The following CCDC171 variants were observed in gnomAD, a reference collection of about 807,000 sequenced individuals.
CCDC171 encodes coiled-coil domain-containing protein 171.
In CCDC171, 177 loss-of-function variants were observed where a neutral mutation model predicts 168.2. That is an observed-to-expected ratio of 1.05 (90% confidence interval 0.93 to 1.19). The LOEUF (loss-of-function observed/expected upper bound fraction) is 1.19, where lower values mean the gene tolerates loss of function less well. Among genes scored for constraint, CCDC171 ranks in the 50% most tolerant of loss-of-function variants. The pLI, the probability that CCDC171 is intolerant of heterozygous loss-of-function variation, is 0.00. For synonymous variants in CCDC171, 687 were observed against 540.8 expected (o/e 1.27, Z -3.75); for missense variants, 1,991 against 1,539.0 (o/e 1.29, Z -4.91).
At chr9:15,798,965 A>G (rs1030432962) in intron 21 of CCDC171, among the ~76,000 whole-genome samples, 3 of 151,620 alleles carry the variant, frequency 2.0e-5, no homozygotes, top group Non-Finnish European at 2.9e-5. Flanking sequence ...AAATCTTACA[A>G]CAGTATACTT....
At chr9:16,039,369 T>A (rs1242743162), upstream of CCDC171, among the ~76,000 whole-genome samples, 2 of 152,220 alleles carry the variant, frequency 1.3e-5, no homozygotes, top group Non-Finnish European at 2.9e-5. Flanking sequence ...TTTTTTTCCT[T>A]CTGCGTTTTA....
At chr9:15,992,781 G>A (rs937976154) in intron 3 of CCDC171, among the ~76,000 whole-genome samples, 1 of 152,170 alleles carries the variant, frequency 6.6e-6, no homozygotes, top group Admixed American at 6.5e-5. Context: ...AAAATCACAA[G>A]CATTCTTATA....
chr9:16,095,162 C>T, the CCDC171 span, among the ~76,000 whole-genome samples: 1 of 152,118 alleles, frequency 6.6e-6, no homozygotes, highest in Non-Finnish European at 1.5e-5. Context: ...TTCTTTATAG[C>T]AGTGTGAGAA....
intron 4 of CCDC171, among the ~76,000 whole-genome samples, chr9:15,583,890 T>C (rs987532321): frequency 6.6e-6 from 1 of 152,172 alleles, no homozygotes; most frequent in African/African-American, 2.4e-5. Context: ...TTTTTTGAGA[T>C]GGAGTCTCCC....
At chr9:15,703,840 A>G (rs1418015887) in intron 11 of CCDC171, among the ~76,000 whole-genome samples, 1 of 152,250 alleles carries the variant, frequency 6.6e-6, no homozygotes, top group Non-Finnish European at 1.5e-5. Flanking sequence ...ACTAGAGCAT[A>G]CAACATTTAT....
chr9:15,707,762 A>G (rs1442527962), intron 11 of CCDC171, among the ~76,000 whole-genome samples: 1 of 152,222 alleles, frequency 6.6e-6, no homozygotes, highest in African/African-American at 2.4e-5. Flanking sequence ...TCATCTTGTT[A>G]TCCTTATTTC....
intron 3 of CCDC171, among the ~76,000 whole-genome samples, chr9:15,988,964 AG>A (rs1324733116): frequency 1.3e-5 from 2 of 152,194 alleles, no homozygotes; most frequent in East Asian, 3.9e-4. Context: ...CCGCGGCTCA[AG>A]GAGGTCTGCC....
chr9:15,602,099 T>G lies in CCDC171; in HGVS notation c.675+7927T>G, dbSNP rs575022121. ...GCTTTGCTGCTTTTGTAAGGTAAATTTTACTGTAATTTGTAACTGGAATGT... is the reference window on the plus strand; with the variant it reads ...GCTTTGCTGCTTTTGTAAGGTAAATGTTACTGTAATTTGTAACTGGAATGT... On this transcript the variant is annotated intron_variant, in intron 6 of 25. Coordinates refer to ENST00000380701, the MANE Select transcript of CCDC171 (RefSeq NM_173550.4). Among the ~76,000 whole-genome samples the G allele has an allele frequency of 4.6e-5, 7 of 152,320 alleles. No individual in the cohort carries two copies. In the South Asian group the frequency reaches 1.4e-3, roughly 32 times the overall value.
chr9:15,823,330 T>G (rs780667116), intron 21 of CCDC171, among the ~76,000 whole-genome samples: 3 of 151,900 alleles, frequency 2.0e-5, no homozygotes, highest in Non-Finnish European at 4.4e-5. Flanking sequence ...ATAATAATAA[T>G]AAAATATTAA....
chr9:15,904,274 G>C (rs1822167199), intron 24 of CCDC171, among the ~76,000 whole-genome samples: 1 of 152,294 alleles, frequency 6.6e-6, no homozygotes, highest in South Asian at 2.1e-4. Flanking sequence ...GGCAGCCAGA[G>C]AGAAAGGTCG....
intron 3 of CCDC171, among the ~76,000 whole-genome samples, chr9:15,993,381 G>T (rs1832265305): frequency 6.6e-6 from 1 of 152,136 alleles, no homozygotes; most frequent in South Asian, 2.1e-4. Context: ...TGGGAAAACT[G>T]GATAGCCATA....
upstream of CCDC171, among the ~76,000 whole-genome samples, chr9:16,037,820 A>G (rs1309825912): frequency 1.3e-5 from 2 of 152,302 alleles, no homozygotes; most frequent in East Asian, 3.9e-4. Context: ...AACTAAAGAT[A>G]TGGAGGAAAG....
At chr9:15,728,617 T>A (rs894592945) in intron 15 of CCDC171, among the ~76,000 whole-genome samples, 1 of 152,172 alleles carries the variant, frequency 6.6e-6, no homozygotes, top group Admixed American at 6.5e-5. Flanking sequence ...GTAACATTAC[T>A]ATCTCACAAG....
chr9:15,922,843 C>A (rs1048816478), intron 25 of CCDC171, among the ~76,000 whole-genome samples: 2 of 151,396 alleles, frequency 1.3e-5, no homozygotes, highest in Non-Finnish European at 3.0e-5. Flanking sequence ...TTTTCATACA[C>A]AAGTCCATTT....
downstream of CCDC171, among the ~76,000 whole-genome samples, chr9:15,978,860 A>T (rs1327148043): frequency 3.9e-5 from 6 of 152,144 alleles, no homozygotes; most frequent in Non-Finnish European, 8.8e-5. Flanking sequence ...TATTACCCCA[A>T]AGAGGAGCTC....
chr9:16,007,154 G>C lies in CCDC171; in HGVS notation n.369-13435G>C, dbSNP rs1419876651. 2.0e-5 allele frequency among the ~76,000 whole-genome samples: 3 copies of C among 152,122 alleles called. No homozygotes were observed. In the East Asian group the frequency reaches 5.8e-4, roughly 29 times the overall value. On this transcript the variant is annotated intron_variant and non_coding_transcript_variant, in intron 3 of 9. Transcript: ENST00000486641. ...TGCTATGAGATGGTATATCATTGTG[G>C]TTTTGATTTGCATTTCCCTGATGGC...
intron 6 of CCDC171, among the ~76,000 whole-genome samples, chr9:16,034,394 G>A (rs959919191): frequency 6.6e-6 from 1 of 152,218 alleles, no homozygotes; most frequent in Non-Finnish European, 1.5e-5. Context: ...AATAATAGTA[G>A]TCTGGTGAGA....
At chr9:16,046,338 G>A (rs1833658290) in intron 1 of CCDC171, among the ~76,000 whole-genome samples, 1 of 152,104 alleles carries the variant, frequency 6.6e-6, no homozygotes, top group African/African-American at 2.4e-5. Context: ...GGCTTTTTGA[G>A]GCCCAAACCA....
chr9:15,623,665 A>G (rs1316340551), intron 7 of CCDC171, among the ~76,000 whole-genome samples: 1 of 152,108 alleles, frequency 6.6e-6, no homozygotes, highest in African/African-American at 2.4e-5. Flanking sequence ...AAATCTGTTC[A>G]CTTTTGAACA....
Sources: allele counts gnomAD v4.1 joint callset (sites outside exome capture counted in the v4.1 genomes callset), GRCh38; gene constraint gnomAD v4.1.1; transcripts MANE v1.5; gene names NCBI Gene and HGNC (gene_info 2026-07-23, HGNC 2026-07-21).